GABBR2: variants seen among roughly 807,000 people sequenced by gnomAD.
The protein encoded by GABBR2 is gamma-aminobutyric acid type B receptor subunit 2.
Under a neutral mutation model 105.6 loss-of-function variants are expected in GABBR2, and 23 were observed. The ratio of observed to expected loss-of-function variants is 0.22; its 90% CI spans 0.16 to 0.31. The LOEUF is 0.31. Ranked by LOEUF, GABBR2 falls within the 10% of genes least tolerant of loss-of-function variation. The pLI, the probability that GABBR2 is intolerant of heterozygous loss-of-function variation, is 1.00. For synonymous variants in GABBR2, 478 were observed against 499.7 expected (o/e 0.96, Z 0.58); for missense variants, 734 against 1,245.5 (o/e 0.59, Z 6.18).
chr9:98,403,051 T>C (rs1832422002), intron 8 of GABBR2, among the ~76,000 whole-genome samples: 1 of 151,954 alleles, frequency 6.6e-6, no homozygotes, highest in African/African-American at 2.4e-5. Flanking sequence ...ATCTCAGCAC[T>C]TTGGGAGGCC....
chr9:98,476,027 G>A (rs117651244), intron 5 of GABBR2, among the ~76,000 whole-genome samples: 6,253 of 152,218 alleles, frequency 0.041, 206 homozygotes, highest in East Asian at 0.14. Flanking sequence ...TCACACCCCC[G>A]TACTCCAGCC....
At chr9:98,537,502 G>T (rs1316475155) in intron 3 of GABBR2, among the ~76,000 whole-genome samples, 1 of 151,754 alleles carries the variant, frequency 6.6e-6, no homozygotes, top group East Asian at 1.9e-4. Context: ...AAGTTAAAAT[G>T]TGCAGTAGGG....
At chr9:98,625,964 G>C (rs185367020) in intron 1 of GABBR2, among the ~76,000 whole-genome samples, 1,901 of 152,140 alleles carry the variant, frequency 0.012, 48 homozygotes, top group African/African-American at 0.044. Context: ...CTTAAACAGG[G>C]GACAGAGCTT....
At chr9:98,683,488 C>G (rs763045000) in intron 1 of GABBR2, among the ~76,000 whole-genome samples, 21 of 152,146 alleles carry the variant, frequency 1.4e-4, no homozygotes, top group Non-Finnish European at 2.6e-4. Context: ...GAAAATTAAA[C>G]GAGATCATGC....
chr9:98,387,857 C>T (rs975339747), intron 10 of GABBR2, among the ~76,000 whole-genome samples: 16 of 151,878 alleles, frequency 1.1e-4, no homozygotes, highest in African/African-American at 3.9e-4. Flanking sequence ...CTCCAAATTC[C>T]TTCTTTGCAA....
At chr9:98,679,556 A>G (rs1261333173) in intron 1 of GABBR2, among the ~76,000 whole-genome samples, 1 of 152,248 alleles carries the variant, frequency 6.6e-6, no homozygotes, top group Non-Finnish European at 1.5e-5. Context: ...ATATTTGTTG[A>G]ATGGATGGGA....
chr9:98,476,560 T>C (rs1336003660), intron 5 of GABBR2, among the ~76,000 whole-genome samples: 3 of 152,240 alleles, frequency 2.0e-5, no homozygotes, highest in African/African-American at 7.2e-5. Context: ...TTGTGTATCA[T>C]GCATGGCAAA....
intron 2 of GABBR2, among the ~76,000 whole-genome samples, chr9:98,561,730 T>A (rs1828676388): frequency 6.6e-6 from 1 of 151,998 alleles, no homozygotes; most frequent in Non-Finnish European, 1.5e-5. Context: ...AAAAAAATTT[T>A]AAAATTAGCC....
At chr9:98,659,504 C>G (rs1375645034) in intron 1 of GABBR2, among the ~76,000 whole-genome samples, 1 of 109,614 alleles carries the variant, frequency 9.1e-6, no homozygotes, top group Non-Finnish European at 1.7e-5. Flanking sequence ...TTTAAACAAC[C>G]TTTTTTCTTT....
chr9:98,627,200 C>T (rs1002610456), intron 1 of GABBR2, among the ~76,000 whole-genome samples: 1 of 152,112 alleles, frequency 6.6e-6, no homozygotes, highest in African/African-American at 2.4e-5. Context: ...ACTCACAGCC[C>T]ACCCGGACTC....
chr9:98,385,266 C>T (rs1342717492), intron 11 of GABBR2, among the ~76,000 whole-genome samples: 1 of 152,156 alleles, frequency 6.6e-6, no homozygotes, highest in Admixed American at 6.5e-5. Flanking sequence ...CACAGTGACG[C>T]GATCACAACT....
chr9:98,463,473 C>T (rs1826462498), intron 6 of GABBR2, among the ~76,000 whole-genome samples: 1 of 152,118 alleles, frequency 6.6e-6, no homozygotes, highest in Non-Finnish European at 1.5e-5. Flanking sequence ...AGATGGAGAA[C>T]CTATATGAGT....
intron 4 of GABBR2, among the ~76,000 whole-genome samples, chr9:98,486,618 G>A (rs538889862): frequency 1.1e-4 from 16 of 152,248 alleles, no homozygotes; most frequent in South Asian, 4.2e-4. Flanking sequence ...GCCTAGCCTC[G>A]CAGACTACCT....
rs183556320 is a variant in GABBR2, at chr9:98,321,198, A to G, written c.1894-9993T>C. On this transcript the variant is annotated intron_variant, in intron 13 of 18. Transcript: ENST00000259455. Reference sequence around the variant, plus strand: ...CTCAATACCCAGGAGGTCCCAGCTGACGTGGGACAAGAAACTATTCACATG... The same window carrying G: ...CTCAATACCCAGGAGGTCCCAGCTGGCGTGGGACAAGAAACTATTCACATG... Among the ~76,000 whole-genome samples, 370 of 152,130 alleles carry G rather than the reference A, an allele frequency of 2.4e-3. 1 individual carries two copies. The highest frequency in any genetic ancestry group is 8.7e-3 in the African/African-American group (360 of 41,502).
rs1314954773 is a variant in GABBR2, at chr9:98,288,278, C to A, written c.*2306G>T. The A allele has an allele frequency of 1.3e-5, 2 of 152,480 alleles. No individual in the cohort carries two copies. The highest frequency in any genetic ancestry group is 2.9e-5 in the Non-Finnish European group (2 of 68,028). 9.4% of individuals were successfully genotyped at this position (152,480 alleles called of 1,614,324 possible). A position where few individuals can be genotyped will look rare whatever the true frequency, so the allele number is the denominator to read the frequency against. On this transcript the variant is annotated 3_prime_UTR_variant, in exon 19 of 19. Transcript: ENST00000259455. ...AGGCCGAAGCCTCTTCAGAAATGGA[C>A]GGTGTGTTTGCTGCATATAAAAGAA...
At chr9:98,563,157 T>C (rs941790605) in intron 2 of GABBR2, among the ~76,000 whole-genome samples, 15 of 150,408 alleles carry the variant, frequency 1.0e-4, no homozygotes, top group African/African-American at 3.4e-4. Context: ...ATACAGTACA[T>C]TCAATATATT....
intron 1 of GABBR2, among the ~76,000 whole-genome samples, chr9:98,643,095 G>A (rs1829987140): frequency 6.6e-6 from 1 of 152,228 alleles, no homozygotes; most frequent in Admixed American, 6.5e-5. Context: ...GAAGCAAAAG[G>A]GACTGGAACC....
At chr9:98,599,444 A>G (rs899861751) in intron 1 of GABBR2, among the ~76,000 whole-genome samples, 1 of 152,250 alleles carries the variant, frequency 6.6e-6, no homozygotes, top group Non-Finnish European at 1.5e-5. Context: ...TGCAATGGAC[A>G]TACCAGGCCT....
chr9:98,706,109 C>CA lies in GABBR2; in HGVS notation c.321+2307dup, dbSNP rs3983388. ...CAAAAACAAAACAAAACAAAAAAAA[C>CA]AAAAAAAAAAAAAAAAAGAAGGAGG... On this transcript the variant is annotated intron_variant, in intron 1 of 18. Coordinates refer to ENST00000259455, the MANE Select transcript of GABBR2 (RefSeq NM_005458.8). Among the ~76,000 whole-genome samples, 1,357 of 136,918 alleles carry CA rather than the reference C, an allele frequency of 9.9e-3. 10 individuals are homozygous for CA. Among genetic ancestry groups the CA allele is most frequent in the East Asian group, 0.041 (198 of 4,824 alleles). 89.8% of individuals were successfully genotyped at this position (136,918 alleles called of 152,430 possible).
Sources: gnomAD v4.1 joint callset for allele counts (sites outside exome capture counted in the v4.1 genomes callset) on GRCh38, gnomAD v4.1.1 for gene constraint, MANE v1.5 for transcripts, NCBI Gene and HGNC (gene_info 2026-07-23, HGNC 2026-07-21) for gene names.